The following TBL1XR1 variants were observed in gnomAD, a reference collection of about 807,000 sequenced individuals.
TBL1XR1 encodes the protein TBL1X/Y related 1, also known as F-box-like/WD repeat-containing protein TBL1XR1.
In TBL1XR1, 5 loss-of-function variants were observed where a neutral mutation model predicts 66.9. The observed-to-expected ratio is 0.07, with a 90% CI of 0.04 to 0.16. The LOEUF (loss-of-function observed/expected upper bound fraction) is 0.16. Ranked by LOEUF, TBL1XR1 falls within the 10% of genes least tolerant of loss-of-function variation. The pLI, the probability that TBL1XR1 is intolerant of heterozygous loss-of-function variation, is 1.00. For missense variants in TBL1XR1, 238 were observed against 623.2 expected (o/e 0.38, Z 6.58); for synonymous variants, 210 against 206.0 (o/e 1.02, Z -0.17).
intron 2 of TBL1XR1, among the ~76,000 whole-genome samples, chr3:177,074,817 A>G (rs192805293): frequency 1.3e-5 from 2 of 152,210 alleles, no homozygotes; most frequent in Non-Finnish European, 2.9e-5. Context: ...CAATAAAGAC[A>G]TAAATACATT....
At chr3:177,166,959 C>T (rs1732895408) in intron 1 of TBL1XR1, among the ~76,000 whole-genome samples, 1 of 152,196 alleles carries the variant, frequency 6.6e-6, no homozygotes, top group South Asian at 2.1e-4. Context: ...TAAAACTAAA[C>T]ATACTCTTAC....
intron 2 of TBL1XR1, chr3:177,087,022 G>A (rs973716309): frequency 6.8e-6 from 1 of 147,368 alleles, no homozygotes; most frequent in Non-Finnish European, 1.5e-5. Context: ...ACAAGGCTGA[G>A]GAGAAGTTGG....
intron 3 of TBL1XR1, 124 bp from the exon 4 acceptor site, chr3:177,054,042 GGTC>G: frequency 1.0e-6 from 1 of 954,652 alleles, no homozygotes; most frequent in Non-Finnish European, 1.5e-6. Context: ...CCCAGACGAA[GGTC>G]GTGTGTGTGT....
chr3:177,093,004 C>G (rs773664488), intron 2 of TBL1XR1, among the ~76,000 whole-genome samples: 1 of 152,046 alleles, frequency 6.6e-6, no homozygotes, highest in Non-Finnish European at 1.5e-5. Flanking sequence ...GCATCCAAAT[C>G]GGTAAAGAGG....
intron 3 of TBL1XR1, among the ~76,000 whole-genome samples, chr3:177,063,539 T>C (rs1233614058): frequency 6.6e-6 from 1 of 152,236 alleles, no homozygotes; most frequent in African/African-American, 2.4e-5. Flanking sequence ...ACAAATTTTT[T>C]CCATTTGGGT....
intron 1 of TBL1XR1, chr3:177,099,361 T>A (rs1723906687): frequency 6.6e-6 from 1 of 152,304 alleles, no homozygotes. Flanking sequence ...CAGCGAGACT[T>A]TGTCTCAACA....
intron 1 of TBL1XR1, among the ~76,000 whole-genome samples, chr3:177,163,305 G>C (rs555768933): frequency 6.6e-6 from 1 of 152,042 alleles, no homozygotes; most frequent in East Asian, 1.9e-4. Context: ...TCAGGAGTTC[G>C]AGACCAGCCC....
chr3:177,059,133 G>A (rs904852537), intron 3 of TBL1XR1, among the ~76,000 whole-genome samples: 4 of 152,156 alleles, frequency 2.6e-5, no homozygotes, highest in Non-Finnish European at 4.4e-5. Flanking sequence ...CATACCAGAC[G>A]CTGAGCTCTC....
At chr3:177,034,366 CAAT>C (rs776239746) in intron 12 of TBL1XR1, 41 bp from the exon 13 acceptor site, 1 of 1,367,642 alleles carries the variant, frequency 7.3e-7, no homozygotes, top group Non-Finnish European at 9.7e-7. Context: ...TTTTTCCATA[CAAT>C]GAGTATATTT....
chr3:177,055,013 G>T (rs1379271081), intron 3 of TBL1XR1, among the ~76,000 whole-genome samples: 2 of 152,106 alleles, frequency 1.3e-5, no homozygotes, highest in African/African-American at 4.8e-5. Context: ...TAATTTCTAT[G>T]AAGTATTTTA....
chr3:177,035,797 G>A (rs987595903), intron 12 of TBL1XR1, among the ~76,000 whole-genome samples: 1 of 152,118 alleles, frequency 6.6e-6, no homozygotes, highest in African/African-American at 2.4e-5. Flanking sequence ...ATCCTGTTTC[G>A]CCAGTCCAGC....
intron 1 of TBL1XR1, among the ~76,000 whole-genome samples, chr3:177,187,532 G>A (rs1257634590): frequency 6.6e-6 from 1 of 152,060 alleles, no homozygotes; most frequent in Admixed American, 6.6e-5. Context: ...TAGAAGCTAA[G>A]TGATTTACTC....
chr3:177,140,702 T>C (rs1729533045), intron 1 of TBL1XR1, among the ~76,000 whole-genome samples: 2 of 152,238 alleles, frequency 1.3e-5, no homozygotes, highest in Admixed American at 6.5e-5. Context: ...GATTCTCCTT[T>C]AATAACAAGT....
intron 1 of TBL1XR1, among the ~76,000 whole-genome samples, chr3:177,117,215 T>C (rs1726413523): frequency 6.6e-6 from 1 of 152,236 alleles, no homozygotes; most frequent in East Asian, 1.9e-4. Flanking sequence ...AAATCTCCAC[T>C]ATTTAAACAA....
intron 3 of TBL1XR1, among the ~76,000 whole-genome samples, chr3:177,058,403 G>A (rs989800976): frequency 3.9e-5 from 6 of 152,048 alleles, no homozygotes; most frequent in African/African-American, 9.7e-5. Context: ...ATAAAATTTC[G>A]TGCCCTAATT....
At chr3:177,090,517 T>TAAAAAAAAA (rs768136243) in intron 2 of TBL1XR1, among the ~76,000 whole-genome samples, 2 of 102,450 alleles carry the variant, frequency 2.0e-5, no homozygotes, top group Non-Finnish European at 3.9e-5. Context: ...CTGTCTCTAC[T>TAAAAAAAAA]AAAAAAAAAA....
At chr3:177,090,181 T>A (rs997414383) in intron 2 of TBL1XR1, among the ~76,000 whole-genome samples, 1 of 152,206 alleles carries the variant, frequency 6.6e-6, no homozygotes, top group Non-Finnish European at 1.5e-5. Context: ...TGAAGTGATC[T>A]CCAGAATATT....
intron 1 of TBL1XR1, among the ~76,000 whole-genome samples, chr3:177,158,363 G>A (rs1311674719): frequency 1.3e-5 from 2 of 151,374 alleles, no homozygotes; most frequent in Non-Finnish European, 2.9e-5. Flanking sequence ...CCAGTAGCTG[G>A]GATTACAGGT....
chr3:177,133,876 C>CAAAA (rs541940840), intron 1 of TBL1XR1, among the ~76,000 whole-genome samples: 1,992 of 105,682 alleles, frequency 0.019, 59 homozygotes, highest in African/African-American at 0.028. Context: ...ACTCCTATCT[C>CAAAA]AAAAAAAAAA....
Sources: gnomAD v4.1 joint callset for allele counts (sites outside exome capture counted in the v4.1 genomes callset) on GRCh38, gnomAD v4.1.1 for gene constraint, MANE v1.5 for transcripts, NCBI Gene and HGNC (gene_info 2026-07-23, HGNC 2026-07-21) for gene names.